FBXL13: variants seen among roughly 807,000 people sequenced by gnomAD.
FBXL13 encodes the protein F-box and leucine-rich repeat protein 13.
In FBXL13, 67 loss-of-function variants were observed where a neutral mutation model predicts 83.6. That is an observed-to-expected ratio of 0.80 (90% CI 0.66 to 0.98). FBXL13 has a LOEUF of 0.98. Among genes scored for constraint, FBXL13 ranks in the 50% least tolerant of loss-of-function variants. FBXL13 has a pLI of 0.00. For missense variants in FBXL13, 822 were observed against 866.5 expected, an observed-to-expected ratio of 0.95 and a Z score of 0.64; for synonymous variants, 272 against 299.5, an observed-to-expected ratio of 0.91 and a Z score of 0.95.
intron 18 of FBXL13, among the ~76,000 whole-genome samples, chr7:102,832,462 C>T (rs571674097): frequency 6.6e-6 from 1 of 152,310 alleles, no homozygotes; most frequent in African/African-American, 2.4e-5. Flanking sequence ...GATTTAATAA[C>T]TTGTAAAACA....
intron 8 of FBXL13, among the ~76,000 whole-genome samples, chr7:102,961,669 A>G (rs1032926558): frequency 1.3e-5 from 2 of 151,932 alleles, no homozygotes; most frequent in African/African-American, 2.4e-5. Context: ...CAGAGCCCTC[A>G]GAAATAACGC....
rs764789843 is a variant in FBXL13 at position 103,029,437 on chromosome 7, T to G, written c.1-19A>C. 4 of 1,352,018 alleles carry G rather than the reference T, an allele frequency of 3.0e-6. No homozygotes were observed. The highest frequency in any genetic ancestry group is 2.0e-6 in the Non-Finnish European group (2 of 994,076). The allele number at this position is 1,352,018 out of a possible 1,614,324, so 83.8% of individuals were successfully genotyped here. A position where few individuals can be genotyped will look rare whatever the true frequency, so the allele number is the denominator to read the frequency against. On this transcript the variant is annotated intron_variant, in intron 2 of 19. Transcript: ENST00000313221. ...GAGTCATCTAAAGTAAATAAATAATTGAAATAACAAATATTAGAAATAAAT... is the reference window on the plus strand; with the variant it reads ...GAGTCATCTAAAGTAAATAAATAATGGAAATAACAAATATTAGAAATAAAT...
At chr7:102,836,531 G>C (rs1188112933) in intron 17 of FBXL13, among the ~76,000 whole-genome samples, 2 of 152,174 alleles carry the variant, frequency 1.3e-5, no homozygotes, top group Non-Finnish European at 2.9e-5. Flanking sequence ...CTTGGAAAAT[G>C]CAACACTAAA....
At chr7:102,993,113 C>A (rs546140308) in intron 6 of FBXL13, among the ~76,000 whole-genome samples, 1 of 152,232 alleles carries the variant, frequency 6.6e-6, no homozygotes, top group Non-Finnish European at 1.5e-5. Flanking sequence ...CTTTCCTTAT[C>A]TGAAGTTCAC....
At chr7:102,993,475 AC>A (rs1829787654) in intron 6 of FBXL13, among the ~76,000 whole-genome samples, 1 of 152,264 alleles carries the variant, frequency 6.6e-6, no homozygotes, top group South Asian at 2.1e-4. Context: ...CTAAAGCAAC[AC>A]TTACATTATT....
At chr7:103,034,387 C>T (rs1794855341) in intron 2 of FBXL13, among the ~76,000 whole-genome samples, 1 of 152,208 alleles carries the variant, frequency 6.6e-6, no homozygotes, top group Non-Finnish European at 1.5e-5. Flanking sequence ...TGAGCCCTGC[C>T]CCACGGGAAG....
At chr7:102,910,122 G>T (rs1690370186) in intron 11 of FBXL13, among the ~76,000 whole-genome samples, 1 of 152,060 alleles carries the variant, frequency 6.6e-6, no homozygotes, top group African/African-American at 2.4e-5. Context: ...CTCCCTCCGT[G>T]GGTGGGCATC....
intron 17 of FBXL13, among the ~76,000 whole-genome samples, chr7:102,835,596 T>C (rs1584519337): frequency 6.9e-6 from 1 of 145,900 alleles, no homozygotes. Flanking sequence ...AGAAGTAAGG[T>C]GACATTGTTT....
At chr7:102,912,678 C>G (rs930751390) in intron 11 of FBXL13, among the ~76,000 whole-genome samples, 3 of 137,494 alleles carry the variant, frequency 2.2e-5, no homozygotes, top group South Asian at 2.5e-4. Context: ...TTTACCCCCC[C>G]CCCCCCAAAA....
intron 17 of FBXL13, among the ~76,000 whole-genome samples, chr7:102,853,451 T>C (rs540361628): frequency 6.6e-6 from 1 of 152,290 alleles, no homozygotes; most frequent in African/African-American, 2.4e-5. Flanking sequence ...ATTCAGGACA[T>C]AGGCATGGGC....
intron 6 of FBXL13, among the ~76,000 whole-genome samples, chr7:102,999,045 A>G (rs1424803443): frequency 2.0e-5 from 3 of 151,866 alleles, no homozygotes; most frequent in Non-Finnish European, 4.4e-5. Context: ...GTACGACGTT[A>G]GTTGTGGGTT....
At chr7:102,976,657 C>T (rs1827510905) in intron 6 of FBXL13, among the ~76,000 whole-genome samples, 1 of 152,146 alleles carries the variant, frequency 6.6e-6, no homozygotes, top group Non-Finnish European at 1.5e-5. Context: ...CGTCCGTCCA[C>T]ATTACCCTTA....
chr7:102,884,407 T>C lies in FBXL13; in HGVS notation c.1009-95A>G, dbSNP rs1233748190. Reference sequence around the variant, plus strand: ...CAAAGATACACCATAATTTTGTTACTATGTTTTAAAATTAACCATAAAATG... The same window carrying C: ...CAAAGATACACCATAATTTTGTTACCATGTTTTAAAATTAACCATAAAATG... On this transcript the variant is annotated intron_variant, in intron 11 of 19. Coordinates refer to ENST00000313221, the Ensembl canonical transcript of FBXL13. The C allele has an allele frequency of 6.8e-6, 6 of 886,330 alleles. No homozygotes were observed. In the East Asian group the frequency reaches 1.5e-4, roughly 22 times the overall value. The allele number at this position is 886,330 out of a possible 1,614,324, so 54.9% of individuals were successfully genotyped here.
chr7:102,954,392 G>A (rs1210846953), intron 8 of FBXL13, among the ~76,000 whole-genome samples: 1 of 152,164 alleles, frequency 6.6e-6, no homozygotes, highest in African/African-American at 2.4e-5. Context: ...CCTGAAGGAA[G>A]CACTAAACAT....
intron 2 of FBXL13, among the ~76,000 whole-genome samples, chr7:103,040,626 C>T (rs527493549): frequency 7.9e-5 from 12 of 152,256 alleles, no homozygotes; most frequent in South Asian, 2.1e-4. Flanking sequence ...AAAACTGTCT[C>T]GCAGACCACA....
chr7:102,828,634 A>G (rs1265690979), intron 18 of FBXL13, among the ~76,000 whole-genome samples: 3 of 152,208 alleles, frequency 2.0e-5, no homozygotes, highest in Admixed American at 2.0e-4. Context: ...CATCTGTAAA[A>G]TGAGGGTAAT....
Position 103,057,521 on chromosome 7 carries a change from T to C in FBXL13, c.-104-1774A>G, listed in dbSNP as rs536674317. Among the ~76,000 whole-genome samples, 19 of 152,342 alleles carry C rather than the reference T, an allele frequency of 1.2e-4. No homozygotes were observed. In the East Asian group the frequency reaches 3.7e-3, roughly 29 times the overall value. On this transcript the variant is annotated intron_variant, in intron 1 of 19. Transcript: ENST00000313221. ...AGATTGAGAAAATCCACCATTAAAA[T>C]GTGTGAATTTAAGAACTCTTAAAAA...
intron 10 of FBXL13, among the ~76,000 whole-genome samples, chr7:102,919,526 T>C (rs139858483): frequency 2.6e-5 from 4 of 152,304 alleles, no homozygotes; most frequent in African/African-American, 9.6e-5. Flanking sequence ...ACAATTAAGC[T>C]TGGAAATGTC....
intron 17 of FBXL13, among the ~76,000 whole-genome samples, chr7:102,834,441 T>TTA (rs1372703847): frequency 7.8e-6 from 1 of 128,804 alleles, no homozygotes; most frequent in Non-Finnish European, 1.6e-5. Flanking sequence ...ATTATATATA[T>TTA]TATATATATG....
Sources: gnomAD v4.1 joint callset for allele counts (sites outside exome capture counted in the v4.1 genomes callset) on GRCh38, gnomAD v4.1.1 for gene constraint, MANE v1.5 for transcripts, NCBI Gene and HGNC (gene_info 2026-07-23, HGNC 2026-07-21) for gene names.